Variants in ROR1 observed in about 807,000 individuals in gnomAD.
ROR1 encodes ROR family WNT receptor 1, also known as inactive tyrosine-protein kinase transmembrane receptor ROR1.
In ROR1, 19 loss-of-function variants were observed where a neutral mutation model predicts 78.8. The observed-to-expected ratio is 0.24, with a 90% CI of 0.17 to 0.35. The LOEUF is 0.35. Ranked by LOEUF, ROR1 falls within the 10% of genes least tolerant of loss-of-function variation. ROR1 has a pLI of 1.00. For synonymous variants in ROR1, 386 were observed against 433.6 expected (o/e 0.89, Z 1.36); for missense variants, 917 against 1,177.8 (o/e 0.78, Z 3.24).
chr1:64,070,811 A>G (rs1206544883), intron 4 of ROR1, among the ~76,000 whole-genome samples: 1 of 152,208 alleles, frequency 6.6e-6, no homozygotes, highest in Non-Finnish European at 1.5e-5. Flanking sequence ...ATCAGGAGAA[A>G]TGGACGATAA....
chr1:63,798,842 T>A (rs1414151648), intron 1 of ROR1, among the ~76,000 whole-genome samples: 2 of 152,056 alleles, frequency 1.3e-5, no homozygotes. Context: ...TAAGCAAAAG[T>A]ATCTCTGGTT....
intron 1 of ROR1, among the ~76,000 whole-genome samples, chr1:64,001,120 G>A (rs1646379457): frequency 6.6e-6 from 1 of 152,184 alleles, no homozygotes; most frequent in South Asian, 2.1e-4. Flanking sequence ...TAAACAAAAT[G>A]TGGCATGTCC....
Position 63,780,514 on chromosome 1 carries a change from G to A in ROR1, c.91+6006G>A, listed in dbSNP as rs149011312. Among the ~76,000 whole-genome samples the A allele has an allele frequency of 1.7e-4, 26 of 152,258 alleles. No individual in the cohort carries two copies. The East Asian group carries it at 3.3e-3, about 19-fold the overall frequency. On this transcript the variant is annotated intron_variant, in intron 1 of 8. Coordinates refer to ENST00000371079, the MANE Select transcript of ROR1 (RefSeq NM_005012.4). ...ACACAGCACCATGGACTTAGTGAAC[G>A]TGAAGTATGTTAGCCACCATCATTA...
chr1:64,176,765 C>T (rs1650392307), intron 8 of ROR1, among the ~76,000 whole-genome samples: 1 of 152,226 alleles, frequency 6.6e-6, no homozygotes, highest in Admixed American at 6.5e-5. Context: ...ACCTTCCCAT[C>T]TCTATTGTGA....
intron 4 of ROR1, among the ~76,000 whole-genome samples, chr1:64,051,617 T>C (rs1569633379): frequency 6.6e-6 from 1 of 152,186 alleles, no homozygotes; most frequent in South Asian, 2.1e-4. Context: ...TCCAATTTCT[T>C]TCACTAATGC....
intron 1 of ROR1, among the ~76,000 whole-genome samples, chr1:63,777,037 T>G (rs1368302750): frequency 6.6e-6 from 1 of 152,354 alleles, no homozygotes; most frequent in East Asian, 1.9e-4. Context: ...TTTTCTATTT[T>G]GTTAGCCAGG....
chr1:64,026,010 T>C (rs780396061), intron 2 of ROR1, among the ~76,000 whole-genome samples: 2 of 152,168 alleles, frequency 1.3e-5, no homozygotes, highest in Non-Finnish European at 2.9e-5. Flanking sequence ...CCAAAAGGTA[T>C]GGAAATAATT....
At chr1:64,109,611 T>C (rs1457298099) in intron 4 of ROR1, among the ~76,000 whole-genome samples, 1 of 152,162 alleles carries the variant, frequency 6.6e-6, no homozygotes, top group Non-Finnish European at 1.5e-5. Flanking sequence ...CACTGCGACC[T>C]CAACCTCCCA....
intron 1 of ROR1, among the ~76,000 whole-genome samples, chr1:63,834,799 C>T (rs1645010388): frequency 6.6e-6 from 1 of 152,122 alleles, no homozygotes; most frequent in African/African-American, 2.4e-5. Flanking sequence ...GGGCCCAAGG[C>T]ATGTCGTTGG....
intron 1 of ROR1, among the ~76,000 whole-genome samples, chr1:63,832,924 G>A (rs1198074966): frequency 6.6e-6 from 1 of 152,162 alleles, no homozygotes; most frequent in East Asian, 1.9e-4. Flanking sequence ...ATCCACATCT[G>A]CCATTACAAC....
intron 1 of ROR1, among the ~76,000 whole-genome samples, chr1:63,975,415 A>AT (rs554285613): frequency 3.6e-4 from 55 of 152,146 alleles, no homozygotes; most frequent in African/African-American, 1.1e-3. Context: ...TGAAACCTGG[A>AT]TTTTTTTTAT....
chr1:63,925,300 G>T lies in ROR1; in HGVS notation c.92-84005G>T, dbSNP rs1231129067. 1.1e-4 allele frequency among the ~76,000 whole-genome samples: 17 copies of T among 150,924 alleles called. No homozygotes were observed. In the East Asian group the frequency reaches 3.0e-3, roughly 26 times the overall value. On this transcript the variant is annotated intron_variant, in intron 1 of 8. Coordinates refer to ENST00000371079, the MANE Select transcript of ROR1 (RefSeq NM_005012.4). ...GTTCTTGCGATAGTTTACTGAGAAT[G>T]ATGATTTCCAATTTCATCCATGTCC... is the stretch of plus-strand genomic sequence containing the variant.
intron 7 of ROR1, among the ~76,000 whole-genome samples, chr1:64,146,438 T>A (rs990112077): frequency 9.2e-5 from 14 of 152,138 alleles, no homozygotes; most frequent in African/African-American, 3.4e-4. Context: ...ATCGCACCAC[T>A]GCACTCCAGC....
chr1:63,831,336 G>T (rs968166397), intron 1 of ROR1, among the ~76,000 whole-genome samples: 1 of 152,218 alleles, frequency 6.6e-6, no homozygotes, highest in Non-Finnish European at 1.5e-5. Context: ...CTCCACTCCT[G>T]CAGCAGACGT....
chr1:64,154,814 A>G (rs988302760), intron 7 of ROR1, among the ~76,000 whole-genome samples: 1 of 152,236 alleles, frequency 6.6e-6, no homozygotes, highest in Admixed American at 6.5e-5. Context: ...ATTCCAAAGT[A>G]TTAAAAATCT....
At chr1:64,105,755 A>T (rs1012941397) in intron 4 of ROR1, 3 of 152,184 alleles carry the variant, frequency 2.0e-5, no homozygotes, top group Non-Finnish European at 4.4e-5. Flanking sequence ...TTTGTCAAAG[A>T]TCAGATGGTT....
Position 64,180,132 on chromosome 1 carries a change from T to G in ROR1, c.*1277T>G, listed in dbSNP as rs1650510377. 2.0e-5 allele frequency: 3 copies of G among 152,190 alleles called. No individual in the cohort carries two copies. Among genetic ancestry groups the G allele is most frequent in the Non-Finnish European group, 4.4e-5 (3 of 68,026 alleles). 9.4% of individuals were successfully genotyped at this position (152,190 alleles called of 1,614,324 possible). Reference sequence around the variant, plus strand: ...CTAGCAAACCGAAGTAACATGACCATTTTTGCCTTAGTGGGAGGTTTCAAA... The same window carrying G: ...CTAGCAAACCGAAGTAACATGACCAGTTTTGCCTTAGTGGGAGGTTTCAAA... On this transcript the variant is annotated 3_prime_UTR_variant, in exon 9 of 9. Coordinates refer to ENST00000371079, the MANE Select transcript of ROR1 (RefSeq NM_005012.4).
intron 2 of ROR1, among the ~76,000 whole-genome samples, chr1:64,013,281 T>C (rs1483834603): frequency 6.6e-6 from 1 of 152,198 alleles, no homozygotes; most frequent in Non-Finnish European, 1.5e-5. Context: ...ACATCTTAGA[T>C]TCTGATAAAT....
chr1:64,144,364 A>G (rs1649419579), intron 7 of ROR1, among the ~76,000 whole-genome samples: 1 of 152,222 alleles, frequency 6.6e-6, no homozygotes, highest in Non-Finnish European at 1.5e-5. Flanking sequence ...ATGGATACGA[A>G]GGAAATGTTG....
Sources: allele counts gnomAD v4.1 joint callset (sites outside exome capture counted in the v4.1 genomes callset), GRCh38; gene constraint gnomAD v4.1.1; transcripts MANE v1.5; gene names NCBI Gene and HGNC (gene_info 2026-07-23, HGNC 2026-07-21).